The following KCND2 variants were observed in gnomAD, a reference collection of about 807,000 sequenced individuals.
KCND2 encodes the protein A-type voltage-gated potassium channel KCND2.
KCND2 carries 16 observed loss-of-function variants against 54.4 expected under a neutral mutation model. The observed-to-expected ratio is 0.29, with a 90% CI of 0.20 to 0.45. The LOEUF is 0.45. Ranked by LOEUF, KCND2 falls within the 20% of genes least tolerant of loss-of-function variation. The probability of loss-of-function intolerance (pLI) is 1.00; values close to 1 mark genes in which losing one functional copy is unlikely to be tolerated. For synonymous variants in KCND2, 317 were observed against 310.7 expected, an observed-to-expected ratio of 1.02 and a Z score of -0.21; for missense variants, 486 against 824.2, an observed-to-expected ratio of 0.59 and a Z score of 5.02.
chr7:120,291,026 C>G (rs1056241751), intron 1 of KCND2, among the ~76,000 whole-genome samples: 8 of 151,934 alleles, frequency 5.3e-5, no homozygotes, highest in African/African-American at 1.9e-4. Context: ...TCAGTTGTCA[C>G]TTTTTGAATC....
intron 2 of KCND2, 127 bp from the exon 3 acceptor site, chr7:120,741,407 T>C: frequency 1.4e-6 from 1 of 702,374 alleles, no homozygotes; most frequent in Non-Finnish European, 2.6e-6. Flanking sequence ...TTTCAATAGT[T>C]GCATTTGAAA....
intron 1 of KCND2, among the ~76,000 whole-genome samples, chr7:120,312,422 C>G (rs989416162): frequency 1.3e-5 from 2 of 151,872 alleles, no homozygotes; most frequent in African/African-American, 4.8e-5. Context: ...ATTGCTGGGT[C>G]AAACGATATA....
chr7:120,423,712 G>A (rs1801660492), intron 1 of KCND2, among the ~76,000 whole-genome samples: 2 of 152,180 alleles, frequency 1.3e-5, no homozygotes, highest in South Asian at 2.1e-4. Context: ...AACCATTACA[G>A]TCATACTGCA....
chr7:120,718,042 A>T (rs1396053008), intron 1 of KCND2, among the ~76,000 whole-genome samples: 1 of 152,014 alleles, frequency 6.6e-6, no homozygotes, highest in Non-Finnish European at 1.5e-5. Flanking sequence ...TCTCCCTTTC[A>T]TCTTCTGTCC....
chr7:120,443,801 G>A (rs1047683553), intron 1 of KCND2, among the ~76,000 whole-genome samples: 8 of 151,730 alleles, frequency 5.3e-5, no homozygotes, highest in Non-Finnish European at 8.8e-5. Flanking sequence ...CTTTTCTAGG[G>A]GGACAACATT....
intron 1 of KCND2, among the ~76,000 whole-genome samples, chr7:120,311,867 G>C (rs1799740280): frequency 6.6e-6 from 1 of 152,058 alleles, no homozygotes; most frequent in South Asian, 2.1e-4. Context: ...ATGGCCTCTA[G>C]CTCCATCCAT....
chr7:120,607,643 A>G (rs1264288354), intron 1 of KCND2, among the ~76,000 whole-genome samples: 2 of 152,146 alleles, frequency 1.3e-5, no homozygotes, highest in Admixed American at 6.6e-5. Flanking sequence ...AATAAATAAG[A>G]TGATTGTAGC....
chr7:120,606,038 T>G (rs1792877447), intron 1 of KCND2, among the ~76,000 whole-genome samples: 1 of 152,088 alleles, frequency 6.6e-6, no homozygotes, highest in Non-Finnish European at 1.5e-5. Context: ...TAAAAGGCAT[T>G]TCCCCTGCAC....
chr7:120,381,208 T>C (rs1800911527), intron 1 of KCND2, among the ~76,000 whole-genome samples: 1 of 152,052 alleles, frequency 6.6e-6, no homozygotes, highest in South Asian at 2.1e-4. Flanking sequence ...TGAGCTGATA[T>C]CACGCCACTG....
chr7:120,382,999 C>A lies in KCND2; in HGVS notation c.1115+107252C>A, dbSNP rs1372939440. 2.0e-5 allele frequency among the ~76,000 whole-genome samples: 3 copies of A among 151,942 alleles called. 1 individual carries two copies. The highest frequency in any genetic ancestry group is 4.4e-5 in the Non-Finnish European group (3 of 67,908). On this transcript the variant is annotated intron_variant, in intron 1 of 5. Coordinates refer to ENST00000331113, the MANE Select transcript of KCND2 (RefSeq NM_012281.3). ...CATAATCTTAAATGACATTACCTTT[C>A]CTGTCACTAGTTAGCTACACCTAAG...
In KCND2 at chr7:120,366,483, A is replaced by AT. The variant is rs376011250; in HGVS notation, c.1115+90738dup. On this transcript the variant is annotated intron_variant, in intron 1 of 5. Transcript: ENST00000331113. ...AGCTTGGGTGACAGAGCAAGACTCC[A>AT]TTAAAAAAAAAAAAAAAGGGAGGGA... 5.0e-3 allele frequency among the ~76,000 whole-genome samples: 729 copies of AT among 147,086 alleles called. 4 individuals are homozygous for AT. The highest frequency in any genetic ancestry group is 8.6e-3 in the Non-Finnish European group (571 of 66,436).
intron 5 of KCND2, among the ~76,000 whole-genome samples, chr7:120,747,136 A>G (rs1476602905): frequency 6.6e-6 from 1 of 152,090 alleles, no homozygotes; most frequent in African/African-American, 2.4e-5. Flanking sequence ...CACATAGAGT[A>G]TACAATTCAT....
intron 1 of KCND2, among the ~76,000 whole-genome samples, chr7:120,357,959 G>A (rs1463549849): frequency 6.6e-6 from 1 of 152,136 alleles, no homozygotes; most frequent in East Asian, 1.9e-4. Flanking sequence ...GAGGGACACA[G>A]TTCAGTCTGT....
chr7:120,377,103 A>G (rs1260657698), intron 1 of KCND2, among the ~76,000 whole-genome samples: 2 of 151,966 alleles, frequency 1.3e-5, no homozygotes, highest in African/African-American at 2.4e-5. Flanking sequence ...TGACTCAGCT[A>G]TGTATCAGCT....
At chr7:120,726,289 A>G (rs1168596741) in intron 1 of KCND2, among the ~76,000 whole-genome samples, 1 of 152,194 alleles carries the variant, frequency 6.6e-6, no homozygotes, top group African/African-American at 2.4e-5. Context: ...CCTCTGGCAA[A>G]CAAGTTCAAT....
intron 4 of KCND2, among the ~76,000 whole-genome samples, chr7:120,743,693 G>A (rs1792970233): frequency 6.6e-6 from 1 of 152,134 alleles, no homozygotes; most frequent in Non-Finnish European, 1.5e-5. Context: ...AGTACCTGAA[G>A]AAGGAAAGAA....
intron 1 of KCND2, among the ~76,000 whole-genome samples, chr7:120,406,680 G>A (rs1801365535): frequency 6.6e-6 from 1 of 151,974 alleles, no homozygotes; most frequent in African/African-American, 2.4e-5. Flanking sequence ...ACACATTAAT[G>A]CAAAGTTAGG....
chr7:120,618,740 C>T (rs1361308853), intron 1 of KCND2, among the ~76,000 whole-genome samples: 1 of 152,132 alleles, frequency 6.6e-6, no homozygotes. Context: ...TTCAGCAACA[C>T]TTTGCAATAT....
intron 1 of KCND2, among the ~76,000 whole-genome samples, chr7:120,312,552 G>A (rs1022402593): frequency 6.6e-6 from 1 of 152,158 alleles, no homozygotes; most frequent in Admixed American, 6.5e-5. Context: ...AAGGATATTT[G>A]ATTCAGATTT....
Sources: gnomAD v4.1 joint callset for allele counts (sites outside exome capture counted in the v4.1 genomes callset) on GRCh38, gnomAD v4.1.1 for gene constraint, MANE v1.5 for transcripts, NCBI Gene and HGNC (gene_info 2026-07-23, HGNC 2026-07-21) for gene names.